NSG1: variants seen among roughly 807,000 people sequenced by gnomAD.
NSG1 encodes the protein neuronal vesicle trafficking-associated protein 1.
NSG1 carries 9 observed loss-of-function variants against 19.3 expected under a neutral mutation model. That is an observed-to-expected ratio of 0.47 (90% CI 0.28 to 0.81). The LOEUF is 0.81. Among genes scored for constraint, NSG1 ranks in the 40% least tolerant of loss-of-function variants. The pLI is 0.11. For missense variants in NSG1, 236 were observed against 242.4 expected (o/e 0.97, Z 0.18); for synonymous variants, 104 against 107.0 (o/e 0.97, Z 0.17).
At position 4,417,716 on chromosome 4, in the gene NSG1, T is replaced by C. The variant is rs1156972281; in HGVS notation, c.*281T>C. On this transcript the variant is annotated 3_prime_UTR_variant, in exon 5 of 5. Transcript: ENST00000621129. ...GGATTTATTGGATGCTGTAAAAAAA[T>C]AAATTTACACTGGATATGCGAAGGG... The C allele has an allele frequency of 4.4e-6, 2 of 455,222 alleles. No individual in the cohort carries two copies. Among genetic ancestry groups the C allele is most frequent in the South Asian group, 2.2e-5 (1 of 44,750 alleles). The allele number at this position is 455,222 out of a possible 1,614,324, so 28.2% of individuals were successfully genotyped here.
chr4:4,387,561 C>CCCG, intron 1 of NSG1, 43 bp from the exon 2 acceptor site: 10 of 1,141,968 alleles, frequency 8.8e-6, no homozygotes, highest in Middle Eastern at 2.5e-4. Flanking sequence ...CGCCCCGCCC[C>CCCG]GGGTCTTGCT....
intron 4 of NSG1, among the ~76,000 whole-genome samples, chr4:4,410,729 G>A (rs1033338859): frequency 4.6e-5 from 7 of 152,222 alleles, no homozygotes; most frequent in African/African-American, 1.7e-4. Flanking sequence ...GAGTGAATGC[G>A]AAGGCCGAGG....
intron 2 of NSG1, 73 bp from the exon 3 acceptor site, chr4:4,391,402 T>G: frequency 1.1e-6 from 1 of 947,736 alleles, no homozygotes; most frequent in Non-Finnish European, 1.6e-6. Flanking sequence ...AATATGGGAG[T>G]TCCCAGACCC....
At chr4:4,403,684 A>T (rs2108742310) in intron 3 of NSG1, among the ~76,000 whole-genome samples, 1 of 152,306 alleles carries the variant, frequency 6.6e-6, no homozygotes, top group Non-Finnish European at 1.5e-5. Flanking sequence ...TATTCAGCCA[A>T]CGACAGCCAG....
At chr4:4,407,720 C>T (rs1487437006) in intron 3 of NSG1, among the ~76,000 whole-genome samples, 1 of 152,132 alleles carries the variant, frequency 6.6e-6, no homozygotes, top group Admixed American at 6.5e-5. Flanking sequence ...GTGTGGCTCT[C>T]CAGGCATCTG....
intron 3 of NSG1, among the ~76,000 whole-genome samples, chr4:4,408,370 C>T (rs1723980670): frequency 6.6e-6 from 1 of 152,222 alleles, no homozygotes; most frequent in Non-Finnish European, 1.5e-5. Flanking sequence ...CGTGCTGGCA[C>T]CTGGCATCCT....
intron 3 of NSG1, among the ~76,000 whole-genome samples, chr4:4,393,667 C>T (rs895105434): frequency 1.2e-4 from 18 of 152,216 alleles, no homozygotes; most frequent in African/African-American, 4.3e-4. Context: ...TTATGATTCA[C>T]AACTGCCCTG....
chr4:4,390,035 G>A (rs1193130083), intron 2 of NSG1, among the ~76,000 whole-genome samples: 5 of 152,178 alleles, frequency 3.3e-5, no homozygotes, highest in Non-Finnish European at 4.4e-5. Flanking sequence ...AATCCAGGTC[G>A]ACAGAATATT....
chr4:4,399,257 C>T lies in NSG1; in HGVS notation c.246+7666C>T, dbSNP rs925227257. On this transcript the variant is annotated intron_variant, in intron 3 of 4. Transcript: ENST00000621129. ...TCCTGGGCTCAAGTGATCCTCCCAC[C>T]TCAGCCCCTGGAGTAGCTGGGACTA... 5.3e-5 allele frequency among the ~76,000 whole-genome samples: 8 copies of T among 152,200 alleles called. No homozygotes were observed. The East Asian group carries it at 5.8e-4, about 11-fold the overall frequency.
intron 3 of NSG1, among the ~76,000 whole-genome samples, chr4:4,395,712 C>T (rs1236144023): frequency 1.3e-5 from 2 of 152,200 alleles, no homozygotes; most frequent in Non-Finnish European, 2.9e-5. Flanking sequence ...AGTGACTGGA[C>T]AGCTTCTGTG....
chr4:4,409,744 T>TGAACTCAA (rs1480348757), intron 4 of NSG1, 61 bp downstream of exon 4: 1 of 1,330,696 alleles, frequency 7.5e-7, no homozygotes, highest in Non-Finnish European at 1.1e-6. Context: ...TTCTCTCCCT[T>TGAACTCAA]GAACTCAAGG....
intron 3 of NSG1, among the ~76,000 whole-genome samples, chr4:4,399,341 C>T (rs1723428207): frequency 6.6e-6 from 1 of 152,164 alleles, no homozygotes; most frequent in Non-Finnish European, 1.5e-5. Context: ...TGGGGTTTCA[C>T]TATGTTGCCC....
At chr4:4,402,513 A>G (rs532950687) in intron 3 of NSG1, among the ~76,000 whole-genome samples, 16 of 150,648 alleles carry the variant, frequency 1.1e-4, no homozygotes, top group Non-Finnish European at 1.9e-4. Flanking sequence ...TCAGCCTCCC[A>G]AGTAGCTGGG....
Position 4,409,593 on chromosome 4 carries a change from C to T in NSG1, c.267C>T (p.Phe89=), listed in dbSNP as rs143847165. 53 of 1,613,954 alleles carry T rather than the reference C, an allele frequency of 3.3e-5. No homozygotes were observed. The East Asian group carries it at 4.0e-4, about 12-fold the overall frequency. ...CACAGGTCTCCGTGTTGGTCCTCTT[C>T]GCCCTGGCCTTCCTCACCTGCGTCG... ...ERFKVSVLVL[F]ALAFLTCVVF... is the part of the protein sequence containing the mutation. The change falls in exon 4 of 5, where the codon TTC becomes TTT. Residue 89 remains phenylalanine (F), a synonymous_variant. Transcript: ENST00000621129.
At chr4:4,397,052 T>TGTGC (rs1431997246) in intron 3 of NSG1, among the ~76,000 whole-genome samples, 3 of 151,992 alleles carry the variant, frequency 2.0e-5, no homozygotes, top group African/African-American at 7.3e-5. Context: ...TGTGTGTGTG[T>TGTGC]GTGTGTGTAT....
intron 2 of NSG1, among the ~76,000 whole-genome samples, chr4:4,390,291 G>A (rs1177147107): frequency 6.6e-6 from 1 of 152,224 alleles, no homozygotes; most frequent in Non-Finnish European, 1.5e-5. Flanking sequence ...CAGGAGCACT[G>A]GGTGGAAAAG....
At chr4:4,391,756 T>C (rs1723006616) in intron 3 of NSG1, among the ~76,000 whole-genome samples, 165 bp downstream of exon 3, 1 of 152,270 alleles carries the variant, frequency 6.6e-6, no homozygotes, top group Non-Finnish European at 1.5e-5. Flanking sequence ...GATGTTGTCC[T>C]TGTGCTTTTT....
At chr4:4,389,552 G>A (rs1447921232) in intron 2 of NSG1, among the ~76,000 whole-genome samples, 3 of 152,168 alleles carry the variant, frequency 2.0e-5, no homozygotes, top group Non-Finnish European at 4.4e-5. Flanking sequence ...CCTCCAGGAT[G>A]CAGAAGTTTC....
At chr4:4,391,654 A>G (rs1723002522) in intron 3 of NSG1, 63 bp downstream of exon 3, 2 of 1,114,048 alleles carry the variant, frequency 1.8e-6, no homozygotes, top group Admixed American at 2.3e-5. Flanking sequence ...GCTGAGCTGC[A>G]TAGATGCCCT....
Sources: gnomAD v4.1 joint callset for allele counts (sites outside exome capture counted in the v4.1 genomes callset) on GRCh38, gnomAD v4.1.1 for gene constraint, MANE v1.5 for transcripts, NCBI Gene and HGNC (gene_info 2026-07-23, HGNC 2026-07-21) for gene names.